Variants in AGPAT5 observed in about 807,000 individuals in gnomAD.
The protein encoded by AGPAT5 is 1-acylglycerol-3-phosphate O-acyltransferase 5.
In AGPAT5, 46 loss-of-function variants were observed where a neutral mutation model predicts 45.6. That is an observed-to-expected ratio of 1.01 (90% CI 0.80 to 1.29). The LOEUF (loss-of-function observed/expected upper bound fraction) is 1.29, where lower values mean the gene tolerates loss of function less well. Ranked by LOEUF, AGPAT5 falls within the 50% of genes most tolerant of loss-of-function variation. The probability of loss-of-function intolerance (pLI) is 0.00; values close to 1 mark genes in which losing one functional copy is unlikely to be tolerated. For missense variants in AGPAT5, 673 were observed against 450.7 expected (o/e 1.49, Z -4.47); for synonymous variants, 272 against 167.0 (o/e 1.63, Z -4.85).
At chr8:6,725,295 T>G (rs894317548) in intron 2 of AGPAT5, among the ~76,000 whole-genome samples, 1 of 152,200 alleles carries the variant, frequency 6.6e-6, no homozygotes, top group African/African-American at 2.4e-5. Context: ...TTTACATTTT[T>G]GATTGCTAAG....
At chr8:6,731,174 A>G (rs974374488) in intron 3 of AGPAT5, among the ~76,000 whole-genome samples, 4 of 152,164 alleles carry the variant, frequency 2.6e-5, no homozygotes, top group African/African-American at 9.7e-5. Context: ...TAAAAATGTT[A>G]TATTTTAAAA....
At chr8:6,732,770 G>GTA (rs1800910266) in intron 4 of AGPAT5, 120 bp downstream of exon 4, 1 of 918,842 alleles carries the variant, frequency 1.1e-6, no homozygotes, top group Non-Finnish European at 1.6e-6. Flanking sequence ...ACTAATTCAG[G>GTA]GTTATGCTGA....
intron 4 of AGPAT5, 53 bp from the exon 5 acceptor site, chr8:6,741,608 T>C: frequency 7.6e-7 from 1 of 1,311,300 alleles, no homozygotes; most frequent in Non-Finnish European, 1.1e-6. Context: ...AGGTTAACAA[T>C]AACAAAAACA....
intron 1 of AGPAT5, among the ~76,000 whole-genome samples, chr8:6,712,681 A>G (rs556876197): frequency 3.9e-5 from 6 of 152,368 alleles, no homozygotes; most frequent in South Asian, 2.1e-4. Flanking sequence ...CTTAAATTCT[A>G]TCATCGTGAG....
rs1279385135 is a variant in AGPAT5, at chr8:6,759,978, T to A, written c.*2590T>A. ...AAGTTGGTGAATAAAAGTGCCGATCTGGCTAACTCTTACACCATACATACT... is the reference window on the plus strand; with the variant it reads ...AAGTTGGTGAATAAAAGTGCCGATCAGGCTAACTCTTACACCATACATACT... On this transcript the variant is annotated 3_prime_UTR_variant, in exon 8 of 8. Coordinates refer to ENST00000285518, the MANE Select transcript of AGPAT5 (RefSeq NM_018361.5). Among the ~76,000 whole-genome samples the A allele has an allele frequency of 6.6e-6, 1 of 152,264 alleles. No homozygotes were observed. The highest frequency in any genetic ancestry group is 1.5e-5 in the Non-Finnish European group (1 of 68,054).
intron 1 of AGPAT5, among the ~76,000 whole-genome samples, chr8:6,710,708 C>A (rs139902494): frequency 6.6e-6 from 1 of 152,072 alleles, no homozygotes; most frequent in African/African-American, 2.4e-5. Context: ...CACAAAGCTA[C>A]CTTTCAATAT....
intron 1 of AGPAT5, among the ~76,000 whole-genome samples, chr8:6,714,634 G>A (rs890814065): frequency 6.6e-6 from 1 of 152,152 alleles, no homozygotes; most frequent in Non-Finnish European, 1.5e-5. Context: ...CCTACACTGC[G>A]TACACCTTTC....
chr8:6,720,825 C>T (rs1001307294), intron 1 of AGPAT5, among the ~76,000 whole-genome samples: 10 of 152,156 alleles, frequency 6.6e-5, no homozygotes, highest in African/African-American at 2.4e-4. Context: ...GAAGAACCAG[C>T]GTTCTTAATA....
At chr8:6,726,850 G>A (rs1800704696) in intron 2 of AGPAT5, among the ~76,000 whole-genome samples, 1 of 152,142 alleles carries the variant, frequency 6.6e-6, no homozygotes, top group Non-Finnish European at 1.5e-5. Flanking sequence ...GCTGCTTTTT[G>A]AAAGCCTTTT....
intron 4 of AGPAT5, among the ~76,000 whole-genome samples, chr8:6,735,749 G>A (rs777959589): frequency 3.3e-5 from 5 of 151,404 alleles, no homozygotes; most frequent in Non-Finnish European, 5.9e-5. Flanking sequence ...AATGGAAGCC[G>A]CCTCCCATTT....
At position 6,757,365 on chromosome 8, in the gene AGPAT5, C is replaced by G; in HGVS notation, c.1072C>G (p.Leu358Val). ...GATATATGGAACCCTACTTGGCTGC[C>G]TGTGGGTTACTATTAAAGCATAGAC... ...TWIYGTLLGC[L>V]WVTIKA Residue 358 changes from leucine (L) to valine (V), a missense_variant, in exon 8 of 8, where the codon CTG (leucine) becomes GTG (valine). Leu to Val is a conservative substitution (Grantham distance 32). Coordinates refer to ENST00000285518, the MANE Select transcript of AGPAT5 (RefSeq NM_018361.5). 6.2e-7 allele frequency: 1 copy of G among 1,614,100 alleles called. No individual in the cohort carries two copies. The highest frequency in any genetic ancestry group is 8.5e-7 in the Non-Finnish European group (1 of 1,179,986).
intron 1 of AGPAT5, among the ~76,000 whole-genome samples, chr8:6,718,015 G>C (rs1415831365): frequency 6.6e-6 from 1 of 152,152 alleles, no homozygotes; most frequent in African/African-American, 2.4e-5. Context: ...CAACTTCTCA[G>C]TCTCAAGATT....
At chr8:6,736,082 G>C (rs1470665699) in intron 4 of AGPAT5, among the ~76,000 whole-genome samples, 1 of 152,112 alleles carries the variant, frequency 6.6e-6, no homozygotes, top group Non-Finnish European at 1.5e-5. Flanking sequence ...TCGAACTCCT[G>C]ACCTCTTGAT....
chr8:6,730,015 CA>C (rs1311099542), intron 2 of AGPAT5, among the ~76,000 whole-genome samples: 1 of 152,030 alleles, frequency 6.6e-6, no homozygotes, highest in Admixed American at 6.5e-5. Context: ...TTTTGCTGAA[CA>C]TATATATACA....
chr8:6,734,435 C>T (rs1800973132), intron 4 of AGPAT5, among the ~76,000 whole-genome samples: 1 of 152,146 alleles, frequency 6.6e-6, no homozygotes. Flanking sequence ...TCATTCCTCA[C>T]ATTTCCCTTT....
At chr8:6,711,064 A>G (rs1438441060) in intron 1 of AGPAT5, among the ~76,000 whole-genome samples, 2 of 152,266 alleles carry the variant, frequency 1.3e-5, no homozygotes, top group South Asian at 2.1e-4. Context: ...ATTAATTTAT[A>G]TATATTAAAG....
Position 6,761,459 on chromosome 8 carries a change from G to A in AGPAT5, c.*4071G>A, listed in dbSNP as rs1191507453. ...CTGACTTGTGTTTTTGAGATTATTG[G>A]TGCCTCATTAATTCAGCAATAAAGG... On this transcript the variant is annotated 3_prime_UTR_variant, in exon 8 of 8. Transcript: ENST00000285518. 2.0e-5 allele frequency among the ~76,000 whole-genome samples: 3 copies of A among 152,060 alleles called. No individual in the cohort carries two copies. Among genetic ancestry groups the A allele is most frequent in the Non-Finnish European group, 4.4e-5 (3 of 68,018 alleles).
intron 6 of AGPAT5, among the ~76,000 whole-genome samples, 184 bp from the exon 7 acceptor site, chr8:6,754,867 T>G (rs1161725927): frequency 6.6e-6 from 1 of 152,202 alleles, no homozygotes; most frequent in African/African-American, 2.4e-5. Flanking sequence ...TACTTCAGCT[T>G]GAAACCCCCA....
chr8:6,726,040 G>T (rs1381919377), intron 2 of AGPAT5, among the ~76,000 whole-genome samples: 1 of 152,224 alleles, frequency 6.6e-6, no homozygotes, highest in Admixed American at 6.5e-5. Flanking sequence ...ACAAGGGGTT[G>T]ATAGGAATCT....
Sources: gnomAD v4.1 joint callset for allele counts (sites outside exome capture counted in the v4.1 genomes callset) on GRCh38, gnomAD v4.1.1 for gene constraint, MANE v1.5 for transcripts, NCBI Gene and HGNC (gene_info 2026-07-23, HGNC 2026-07-21) for gene names.